Variants in CLSTN1 observed in about 807,000 individuals in gnomAD.
CLSTN1 encodes calsyntenin-1.
Under a neutral mutation model 108.3 loss-of-function variants are expected in CLSTN1, and 28 were observed. The ratio of observed to expected loss-of-function variants is 0.26; its 90% confidence interval spans 0.19 to 0.35. The LOEUF (loss-of-function observed/expected upper bound fraction) is 0.35, where lower values mean the gene tolerates loss of function less well. CLSTN1 is among the 10% of genes least tolerant of loss of function. The probability of loss-of-function intolerance (pLI) is 1.00; values close to 1 mark genes in which losing one functional copy is unlikely to be tolerated. For synonymous variants in CLSTN1, 524 were observed against 534.9 expected (o/e 0.98, Z 0.28); for missense variants, 1,157 against 1,302.6 (o/e 0.89, Z 1.72).
intron 5 of CLSTN1, among the ~76,000 whole-genome samples, chr1:9,750,787 AC>A (rs1179149157): frequency 6.6e-6 from 1 of 151,056 alleles, no homozygotes; most frequent in East Asian, 2.0e-4. Flanking sequence ...GCGGTGGCTC[AC>A]ACATGTAATC....
Position 9,796,070 on chromosome 1 carries a change from T to A in CLSTN1, c.92-22676A>T, listed in dbSNP as rs528380143. On this transcript the variant is annotated intron_variant, in intron 1 of 18. Coordinates refer to ENST00000377298, the MANE Select transcript of CLSTN1 (RefSeq NM_001009566.3). ...TGAAGTCAGGAGTTTGAGACCAGCC[T>A]GGCCAACATGGTGAAACCCTGTCTC... is the stretch of plus-strand genomic sequence containing the variant. Among the ~76,000 whole-genome samples the A allele has an allele frequency of 3.3e-5, 5 of 150,796 alleles. No individual in the cohort carries two copies. The East Asian group carries it at 6.0e-4, about 18-fold the overall frequency.
In CLSTN1 at chr1:9,823,703, G is replaced by C. The variant is rs1372493528; in HGVS notation, c.31C>G (p.Pro11Ala). 6 of 1,123,990 alleles carry C rather than the reference G, an allele frequency of 5.3e-6. No individual in the cohort carries two copies. The African/African-American group carries it at 9.9e-5, about 19-fold the overall frequency. 69.6% of individuals were successfully genotyped at this position (1,123,990 alleles called of 1,614,324 possible). Residue 11 changes from proline (P) to alanine (A), a missense_variant, in exon 1 of 19, where the codon CCG becomes GCG. Transcript: ENST00000377298. The surrounding 1 kb of genome is among the most constrained non-coding windows in gnomAD (Gnocchi z 6.3). MLRRPAPALA[P>A]AARLLLAGLL... Reference sequence around the variant, plus strand: ...CCGGCCAGCAGCAGCCGGGCGGCCGGGGCCAGCGCGGGAGCGGGGCGGCGC... The same window carrying C: ...CCGGCCAGCAGCAGCCGGGCGGCCGCGGCCAGCGCGGGAGCGGGGCGGCGC...
intron 7 of CLSTN1, among the ~76,000 whole-genome samples, chr1:9,748,987 C>T (rs929646394): frequency 6.6e-6 from 1 of 151,950 alleles, no homozygotes; most frequent in Non-Finnish European, 1.5e-5. Context: ...TCACTGCAGC[C>T]TCAACCTCCC....
intron 2 of CLSTN1, 70 bp from the exon 3 acceptor site, chr1:9,756,580 A>G: frequency 1.4e-6 from 2 of 1,380,952 alleles, no homozygotes; most frequent in Non-Finnish European, 2.0e-6. Flanking sequence ...ACTAAGGAAA[A>G]AAGTCAAAGG....
chr1:9,804,573 T>C lies in CLSTN1; in HGVS notation c.91+19070A>G, dbSNP rs540267268. On this transcript the variant is annotated intron_variant, in intron 1 of 18. Coordinates refer to ENST00000377298, the MANE Select transcript of CLSTN1 (RefSeq NM_001009566.3). The stretch of plus-strand genomic sequence containing the variant: ...TAAGAAAGCAAGGAGTGGCAGGAGC[T>C]GTGGCTCACACCAATCATCCCAGCA... Among the ~76,000 whole-genome samples the C allele has an allele frequency of 3.2e-3, 487 of 151,552 alleles. 1 individual carries two copies. The highest frequency in any genetic ancestry group is 5.1e-3 in the Non-Finnish European group (349 of 67,796).
intron 1 of CLSTN1, among the ~76,000 whole-genome samples, chr1:9,821,360 T>C (rs1420490764): frequency 1.3e-5 from 2 of 152,246 alleles, no homozygotes; most frequent in African/African-American, 4.8e-5. Flanking sequence ...CTCGAACTCC[T>C]GACCTCAGGT....
chr1:9,741,074 C>CG lies in CLSTN1; in HGVS notation c.1519+19dup. 2 of 1,606,600 alleles carry CG rather than the reference C, an allele frequency of 1.2e-6. No homozygotes were observed. The highest frequency in any genetic ancestry group is 1.7e-6 in the Non-Finnish European group (2 of 1,174,770). ...TACAACTTAATTCTCGAGTCGAGGGCGGGGGGTAATGACAGGTACCTTGCC... is the reference window on the plus strand; with the variant it reads ...TACAACTTAATTCTCGAGTCGAGGGCGGGGGGGTAATGACAGGTACCTTGCC... On this transcript the variant is annotated intron_variant, in intron 10 of 18. Coordinates refer to ENST00000377298, the MANE Select transcript of CLSTN1 (RefSeq NM_001009566.3).
At chr1:9,766,615 G>A (rs908284090) in intron 2 of CLSTN1, among the ~76,000 whole-genome samples, 3 of 152,124 alleles carry the variant, frequency 2.0e-5, no homozygotes, top group African/African-American at 4.8e-5. Flanking sequence ...AGCCGAGATC[G>A]CGCCACTGCA....
chr1:9,813,068 G>A (rs1287729710), intron 1 of CLSTN1, among the ~76,000 whole-genome samples: 1 of 152,140 alleles, frequency 6.6e-6, no homozygotes, highest in East Asian at 1.9e-4. Context: ...AGGAGGCTGA[G>A]GCATGAGAAT....
chr1:9,743,989 G>C lies in CLSTN1; in HGVS notation c.1251C>G (p.His417Gln), dbSNP rs775471152. ...SSDKTDMNRH[H>Q]YSLYVHGCRL... ...GGCACCCGTGGACATAGAGGGAGTA[G>C]TGGTGCCGATTCATATCTGCAAAGG... The change falls in exon 9 of 19, where the codon CAC becomes CAG. Residue 417 changes from histidine (H) to glutamine (Q), a missense_variant. Coordinates refer to ENST00000377298, the MANE Select transcript of CLSTN1 (RefSeq NM_001009566.3). The C allele has an allele frequency of 6.2e-6, 10 of 1,614,068 alleles. No homozygotes were observed. The highest frequency in any genetic ancestry group is 1.6e-4 in the Middle Eastern group (1 of 6,084).
chr1:9,756,383 G>C (rs1651805112), intron 3 of CLSTN1, 98 bp downstream of exon 3: 3 of 916,420 alleles, frequency 3.3e-6, no homozygotes, highest in Non-Finnish European at 5.3e-6. Context: ...GGATAAAAGA[G>C]CATGACAGTT....
At chr1:9,784,278 C>A (rs1434934761) in intron 1 of CLSTN1, among the ~76,000 whole-genome samples, 1 of 151,194 alleles carries the variant, frequency 6.6e-6, no homozygotes, top group East Asian at 1.9e-4. Context: ...GGGGGGCAGA[C>A]GTTGCAGTGA....
intron 1 of CLSTN1, among the ~76,000 whole-genome samples, chr1:9,778,207 G>A (rs1281741245): frequency 6.9e-6 from 1 of 145,100 alleles, no homozygotes; most frequent in Non-Finnish European, 1.5e-5. Flanking sequence ...AGGTGGTGGT[G>A]TTATTTCTCC....
intron 1 of CLSTN1, among the ~76,000 whole-genome samples, chr1:9,799,370 G>C (rs545021013): frequency 2.6e-5 from 4 of 152,180 alleles, no homozygotes; most frequent in African/African-American, 9.6e-5. Flanking sequence ...AGCCGGGCGC[G>C]GTGGCTCACG....
chr1:9,800,342 A>T (rs1050016991), intron 1 of CLSTN1, among the ~76,000 whole-genome samples: 6 of 151,948 alleles, frequency 3.9e-5, no homozygotes, highest in Admixed American at 3.9e-4. Context: ...CAGGCTAACT[A>T]TGAAAAAAAA....
chr1:9,762,036 G>A (rs1652098083), intron 2 of CLSTN1, among the ~76,000 whole-genome samples: 1 of 152,160 alleles, frequency 6.6e-6, no homozygotes. Flanking sequence ...ACTATTCTTA[G>A]CATCGCTGTC....
chr1:9,759,009 TC>T, intron 2 of CLSTN1, among the ~76,000 whole-genome samples: 1 of 152,154 alleles, frequency 6.6e-6, no homozygotes, highest in East Asian at 1.9e-4. Flanking sequence ...AAAATCCAGT[TC>T]CTCAGTTACA....
At chr1:9,735,263 G>A in intron 13 of CLSTN1, 89 bp from the exon 14 acceptor site, 3 of 1,462,932 alleles carry the variant, frequency 2.1e-6, no homozygotes, top group Non-Finnish European at 2.9e-6. Flanking sequence ...GGGATACAGA[G>A]GCCCCCACTA....
chr1:9,816,214 G>A (rs1384571089), intron 1 of CLSTN1, among the ~76,000 whole-genome samples: 2 of 152,106 alleles, frequency 1.3e-5, no homozygotes, highest in African/African-American at 4.8e-5. Flanking sequence ...CTACAACATG[G>A]ATGAACCTTG....
Sources: gnomAD v4.1 joint callset for allele counts (sites outside exome capture counted in the v4.1 genomes callset) on GRCh38, gnomAD v4.1.1 for gene constraint, Gnocchi (gnomAD v3.1) non-coding constraint, MANE v1.5 for transcripts, NCBI Gene and HGNC (gene_info 2026-07-23, HGNC 2026-07-21) for gene names.